NHSL1: variants seen among roughly 807,000 people sequenced by gnomAD.
NHSL1 encodes the protein NHS like 1.
A neutral mutation model predicts 95.0 loss-of-function variants in NHSL1; 48 were observed. The observed-to-expected ratio is 0.51, with a 90% CI of 0.40 to 0.64. The LOEUF is 0.64. NHSL1 is among the 30% of genes least tolerant of loss of function. The pLI, the probability that NHSL1 is intolerant of heterozygous loss-of-function variation, is 0.00. For synonymous variants in NHSL1, 783 were observed against 833.9 expected (o/e 0.94, Z 1.05); for missense variants, 1,971 against 2,077.7 (o/e 0.95, Z 1.00).
intron 1 of NHSL1, among the ~76,000 whole-genome samples, chr6:138,671,661 A>G (rs1216359693): frequency 6.6e-6 from 1 of 152,192 alleles, no homozygotes; most frequent in East Asian, 1.9e-4. Context: ...TCATATCTCC[A>G]AGAAGACAAA....
At chr6:138,550,142 G>A (rs1782945682), upstream of NHSL1, among the ~76,000 whole-genome samples, 1 of 152,150 alleles carries the variant, frequency 6.6e-6, no homozygotes, top group Non-Finnish European at 1.5e-5. Flanking sequence ...CGGAAGCTGA[G>A]GCAGGAGAAT....
At chr6:138,558,523 A>G (rs530788243) in intron 1 of NHSL1, among the ~76,000 whole-genome samples, 1 of 151,270 alleles carries the variant, frequency 6.6e-6, no homozygotes, top group East Asian at 1.9e-4. Flanking sequence ...TCCTGGGCTC[A>G]AGCAATTCTC....
Position 138,453,627 on chromosome 6 carries a change from GACTCA to G in NHSL1, c.340-6439_340-6435del, listed in dbSNP as rs367968986. Among the ~76,000 whole-genome samples the G allele has an allele frequency of 5.1e-4, 78 of 152,242 alleles. 1 individual carries two copies. The South Asian group carries it at 0.015, about 29-fold the overall frequency. On this transcript the variant is annotated intron_variant, in intron 3 of 7. Transcript: ENST00000343505. ...AGTGGCAGAATCACAACTCACTGCA[GACTCA>G]AACTCCTGGGTTCAAGCGATCCTCC...
intron 1 of NHSL1, among the ~76,000 whole-genome samples, chr6:138,630,800 GA>G (rs769375309): frequency 2.6e-5 from 4 of 152,288 alleles, no homozygotes; most frequent in Non-Finnish European, 5.9e-5. Context: ...TTTGCAATGG[GA>G]AGGGGGCAAG....
chr6:138,650,106 G>A (rs1415321569), intron 1 of NHSL1: 1 of 522,186 alleles, frequency 1.9e-6, no homozygotes, highest in Middle Eastern at 3.0e-4. Context: ...AGCCCGGCTG[G>A]GCGGGAGCAC....
chr6:138,621,120 T>C (rs1784651137), intron 1 of NHSL1, among the ~76,000 whole-genome samples: 1 of 152,218 alleles, frequency 6.6e-6, no homozygotes, highest in African/African-American at 2.4e-5. Flanking sequence ...CCCCAGACAC[T>C]GCTGCTCTAT....
At chr6:138,547,376 G>A (rs1267557120), upstream of NHSL1, among the ~76,000 whole-genome samples, 1 of 150,524 alleles carries the variant, frequency 6.6e-6, no homozygotes, top group Non-Finnish European at 1.5e-5. Flanking sequence ...TGATATTAAC[G>A]CTTCTTCTTC....
chr6:138,483,326 G>C (rs1029043846), intron 2 of NHSL1, among the ~76,000 whole-genome samples: 1 of 152,136 alleles, frequency 6.6e-6, no homozygotes, highest in Non-Finnish European at 1.5e-5. Flanking sequence ...ATCCACACTC[G>C]CCAAGCGAAT....
chr6:138,499,170 G>A (rs1195060048), intron 1 of NHSL1, 63 bp downstream of exon 1: 2 of 1,057,328 alleles, frequency 1.9e-6, no homozygotes, highest in Non-Finnish European at 2.8e-6. Context: ...GACACACAGG[G>A]ACATATACAC....
chr6:138,669,467 A>G (rs1009276627), intron 1 of NHSL1, among the ~76,000 whole-genome samples: 1 of 152,172 alleles, frequency 6.6e-6, no homozygotes, highest in Admixed American at 6.5e-5. Flanking sequence ...GGACTTCTGG[A>G]AGTAGAGGTG....
chr6:138,465,569 A>G (rs566502928), intron 3 of NHSL1, among the ~76,000 whole-genome samples: 1 of 152,296 alleles, frequency 6.6e-6, no homozygotes, highest in Admixed American at 6.5e-5. Context: ...ACTGTATGCC[A>G]AACACTTATA....
At position 138,433,289 on chromosome 6, in the gene NHSL1, G is replaced by A; in HGVS notation, c.1056C>T (p.Gly352=). The change falls in exon 6 of 8, where the codon GGC becomes GGT. Residue 352 remains glycine (G), a synonymous_variant. Coordinates refer to ENST00000343505, the MANE Select transcript of NHSL1 (RefSeq NM_001144060.2). The part of the protein sequence containing the change: ...GALGPAGDMN[G]TFLYQRGHPQ... ...GGTGACCTCTCTGGTAGAGGAAAGT[G>A]CCATTCATGTCTCCTGCAGGGCCGA... The A allele has an allele frequency of 1.9e-6, 3 of 1,551,578 alleles. No homozygotes were observed. The highest frequency in any genetic ancestry group is 3.3e-4 in the Middle Eastern group (2 of 5,994).
chr6:138,523,740 T>C (rs2128310782), intron 1 of NHSL1, among the ~76,000 whole-genome samples: 1 of 151,968 alleles, frequency 6.6e-6, no homozygotes, highest in Admixed American at 6.5e-5. Flanking sequence ...GATTATGAAT[T>C]TGAAGTACTG....
At chr6:138,442,172 T>C (rs1776574287) in intron 4 of NHSL1, 58 bp from the exon 5 acceptor site, 4 of 1,435,760 alleles carry the variant, frequency 2.8e-6, no homozygotes, top group Admixed American at 2.8e-5. Flanking sequence ...GCTGACACCA[T>C]GCACTTTCTT....
intron 1 of NHSL1, among the ~76,000 whole-genome samples, chr6:138,645,424 A>G (rs1324885939): frequency 6.6e-6 from 1 of 151,882 alleles, no homozygotes; most frequent in Non-Finnish European, 1.5e-5. Context: ...GATGTCCATT[A>G]GCCTGTTTTA....
intron 5 of NHSL1, among the ~76,000 whole-genome samples, chr6:138,437,419 C>CATATATATATATATACACACATAT (rs1562270741): frequency 1.3e-3 from 41 of 30,914 alleles, no homozygotes; most frequent in African/African-American, 5.5e-3. Flanking sequence ...CATATACACA[C>CATATATATATATATACACACATAT]ACACACACAC....
rs146254043 is a variant in NHSL1, at chr6:138,669,519, T to C, written c.96+22957A>G. 4.3e-3 allele frequency among the ~76,000 whole-genome samples: 647 copies of C among 152,186 alleles called. 4 individuals carry two copies. Among genetic ancestry groups the C allele is most frequent in the African/African-American group, 0.015 (620 of 41,530 alleles). The stretch of plus-strand genomic sequence containing the variant: ...GAAGAAGGAACAGTTAAAAGAAGAA[T>C]TGGTTGAAAATTGTTAACCCTACAT... On this transcript the variant is annotated intron_variant, in intron 1 of 3. Coordinates refer to the NHSL1 transcript ENST00000491526.
chr6:138,669,202 CGAACT>C (rs1785333000), intron 1 of NHSL1, among the ~76,000 whole-genome samples: 1 of 151,888 alleles, frequency 6.6e-6, no homozygotes, highest in Non-Finnish European at 1.5e-5. Context: ...GCAAAGGGGG[CGAACT>C]GAACACAGAT....
chr6:138,537,819 G>A (rs894505956), intron 1 of NHSL1, among the ~76,000 whole-genome samples: 4 of 152,186 alleles, frequency 2.6e-5, no homozygotes, highest in East Asian at 1.9e-4. Flanking sequence ...AGAAAGAACC[G>A]CCAAAAGCTG....
Sources: gnomAD v4.1 joint callset for allele counts (sites outside exome capture counted in the v4.1 genomes callset) on GRCh38, gnomAD v4.1.1 for gene constraint, MANE v1.5 for transcripts, NCBI Gene and HGNC (gene_info 2026-07-23, HGNC 2026-07-21) for gene names.